Variants in GBF1 observed in about 807,000 individuals in gnomAD.
GBF1 encodes the protein Golgi-specific brefeldin A-resistance guanine nucleotide exchange factor 1.
In GBF1, 114 loss-of-function variants were observed where a neutral mutation model predicts 210.5. That is an observed-to-expected ratio of 0.54 (90% confidence interval 0.47 to 0.63). The LOEUF is 0.63. GBF1 is among the 30% of genes least tolerant of loss of function. The pLI is 0.00. For synonymous variants in GBF1, 850 were observed against 889.2 expected (o/e 0.96, Z 0.78); for missense variants, 1,851 against 2,357.7 (o/e 0.79, Z 4.45).
intron 3 of GBF1, among the ~76,000 whole-genome samples, chr10:102,282,356 AG>A (rs1268098073): frequency 1.3e-5 from 2 of 152,220 alleles, no homozygotes; most frequent in East Asian, 3.8e-4. Context: ...AAGGTTATAC[AG>A]TAAAAGCTTC....
intron 3 of GBF1, among the ~76,000 whole-genome samples, chr10:102,293,466 G>A (rs2133697826): frequency 6.6e-6 from 1 of 152,214 alleles, no homozygotes; most frequent in South Asian, 2.1e-4. Flanking sequence ...AAGAAAAAGA[G>A]TTAACTATAA....
At chr10:102,336,865 G>A (rs2057782151) in intron 3 of GBF1, among the ~76,000 whole-genome samples, 1 of 152,064 alleles carries the variant, frequency 6.6e-6, no homozygotes, top group African/African-American at 2.4e-5. Flanking sequence ...ACTTATTTTT[G>A]TAGGGTATGG....
chr10:102,337,144 C>T (rs1003777654), intron 3 of GBF1, among the ~76,000 whole-genome samples: 11 of 150,576 alleles, frequency 7.3e-5, no homozygotes, highest in Non-Finnish European at 1.3e-4. Context: ...TTTGGGAGGC[C>T]GAGGTGGGCG....
intron 4 of GBF1, among the ~76,000 whole-genome samples, chr10:102,345,725 C>A (rs978606842): frequency 1.4e-5 from 2 of 138,128 alleles, no homozygotes; most frequent in Non-Finnish European, 3.1e-5. Flanking sequence ...CTGATTTATT[C>A]TTTTATATTG....
chr10:102,259,591 T>TA (rs1372163634), intron 2 of GBF1, among the ~76,000 whole-genome samples: 1 of 152,256 alleles, frequency 6.6e-6, no homozygotes, highest in Admixed American at 6.5e-5. Flanking sequence ...AAAGCAAGTT[T>TA]AGAAATTGCC....
At chr10:102,249,043 A>G (rs1334038743) in intron 1 of GBF1, among the ~76,000 whole-genome samples, 2 of 152,320 alleles carry the variant, frequency 1.3e-5, no homozygotes, top group South Asian at 2.1e-4. Flanking sequence ...GAAACTGGAA[A>G]TTTAGATCAT....
chr10:102,241,990 C>T (rs1313192064), upstream of GBF1, among the ~76,000 whole-genome samples: 1 of 152,202 alleles, frequency 6.6e-6, no homozygotes, highest in Admixed American at 6.5e-5. This position sits in a 1 kb window ranked among gnomAD's most constrained non-coding sequence, Gnocchi z 6.7. Flanking sequence ...GTCCGTCTCT[C>T]CTCCCTTTTG....
At chr10:102,275,919 T>C (rs2074915060) in intron 3 of GBF1, among the ~76,000 whole-genome samples, 1 of 152,212 alleles carries the variant, frequency 6.6e-6, no homozygotes, top group Non-Finnish European at 1.5e-5. Flanking sequence ...TGCATCTTAA[T>C]CAGTTTCATT....
intron 3 of GBF1, among the ~76,000 whole-genome samples, chr10:102,307,216 A>G (rs1442310947): frequency 3.3e-5 from 5 of 152,072 alleles, no homozygotes; most frequent in African/African-American, 1.2e-4. Flanking sequence ...GATGATTTTC[A>G]GCTCTTACTA....
upstream of GBF1, among the ~76,000 whole-genome samples, chr10:102,245,337 G>T (rs749941211): frequency 1.3e-5 from 2 of 152,130 alleles, no homozygotes; most frequent in East Asian, 1.9e-4. Context: ...GAGAGTACTC[G>T]TATCCGTTGG....
the GBF1 span, among the ~76,000 whole-genome samples, chr10:102,232,758 TCTCACCTGAATGCTTAGTATCCCCCTATA>T: frequency 2.6e-5 from 4 of 152,164 alleles, no homozygotes; most frequent in Non-Finnish European, 5.9e-5. Flanking sequence ...TTAAAATCCT[TCTCACCTGAATGCTTAGTATCCCCCTATA>T]CTCATACATG....
intron 33 of GBF1, 77 bp from the exon 34 acceptor site, chr10:102,379,207 G>A (rs2060693767): frequency 7.1e-7 from 1 of 1,407,074 alleles, no homozygotes; most frequent in Non-Finnish European, 9.9e-7. Flanking sequence ...ACTTAGTTAG[G>A]GACAGTGAGT....
intron 3 of GBF1, among the ~76,000 whole-genome samples, chr10:102,342,916 T>C (rs2058299446): frequency 6.6e-6 from 1 of 152,164 alleles, no homozygotes; most frequent in Non-Finnish European, 1.5e-5. Flanking sequence ...ATTTCATCTA[T>C]TTAGGTAGAA....
intron 3 of GBF1, among the ~76,000 whole-genome samples, chr10:102,341,495 T>C (rs2058180136): frequency 6.6e-6 from 1 of 152,210 alleles, no homozygotes; most frequent in Non-Finnish European, 1.5e-5. Context: ...GATACACAAA[T>C]GTTTATAGCA....
chr10:102,244,306 A>T (rs148920919), upstream of GBF1, among the ~76,000 whole-genome samples: 4 of 151,496 alleles, frequency 2.6e-5, no homozygotes, highest in East Asian at 1.9e-4. Flanking sequence ...AGAATTAGGT[A>T]TTTTTTTTTC....
Position 102,339,358 on chromosome 10 carries a change from G to C in GBF1, c.164-4693G>C, listed in dbSNP as rs2058011825. ...AGCCTGGGTGACAGAGCGAGACTCT[G>C]TCTCAAAAAAAGACTTAGTATATAT... On this transcript the variant is annotated intron_variant, in intron 3 of 39. Coordinates refer to ENST00000369983, the MANE Select transcript of GBF1 (RefSeq NM_001377137.1). Among the ~76,000 whole-genome samples the C allele has an allele frequency of 2.0e-5, 3 of 151,554 alleles. No individual in the cohort carries two copies. The South Asian group carries it at 6.2e-4, about 32-fold the overall frequency.
At chr10:102,241,264 G>A (rs2070529394), upstream of GBF1, 1 of 152,858 alleles carries the variant, frequency 6.5e-6, no homozygotes, top group Non-Finnish European at 1.5e-5. This position sits in a 1 kb window ranked among gnomAD's most constrained non-coding sequence, Gnocchi z 6.7. Context: ...CTCGTTTTAG[G>A]GATTCCAAGG....
chr10:102,291,630 G>T (rs186257621), intron 3 of GBF1, among the ~76,000 whole-genome samples: 9 of 152,260 alleles, frequency 5.9e-5, no homozygotes, highest in African/African-American at 2.2e-4. Flanking sequence ...AGACTGAGGT[G>T]ACCAAATGGA....
At chr10:102,245,979 A>G (rs982043489) in intron 1 of GBF1, among the ~76,000 whole-genome samples, 198 bp downstream of exon 1, 1 of 152,192 alleles carries the variant, frequency 6.6e-6, no homozygotes, top group Non-Finnish European at 1.5e-5. Context: ...CCTCTGCCGC[A>G]GGAGGGGCGA....
Sources: allele counts gnomAD v4.1 joint callset (sites outside exome capture counted in the v4.1 genomes callset), GRCh38; gene constraint gnomAD v4.1.1; non-coding constraint Gnocchi (gnomAD v3.1); transcripts MANE v1.5; gene names NCBI Gene and HGNC (gene_info 2026-07-23, HGNC 2026-07-21).